Variants in SLC25A21 observed in about 807,000 individuals in gnomAD.
The protein encoded by SLC25A21 is solute carrier family 25 member 21.
A neutral mutation model predicts 43.8 loss-of-function variants in SLC25A21; 47 were observed. The observed-to-expected ratio is 1.07, with a 90% CI of 0.85 to 1.37. The LOEUF (loss-of-function observed/expected upper bound fraction) is 1.37, where lower values mean the gene tolerates loss of function less well. Among genes scored for constraint, SLC25A21 ranks in the 40% most tolerant of loss-of-function variants. The probability of loss-of-function intolerance (pLI) is 0.00; values close to 1 mark genes in which losing one functional copy is unlikely to be tolerated. For missense variants in SLC25A21, 352 were observed against 350.2 expected, an observed-to-expected ratio of 1.00 and a Z score of -0.04; for synonymous variants, 131 against 121.3, an observed-to-expected ratio of 1.08 and a Z score of -0.52.
chr14:37,166,011 T>C (rs1425298803), intron 1 of SLC25A21, among the ~76,000 whole-genome samples: 1 of 152,272 alleles, frequency 6.6e-6, no homozygotes, highest in African/African-American at 2.4e-5. Flanking sequence ...GATCTTGGGA[T>C]CCCTAACATG....
At chr14:36,908,840 C>T (rs964432098) in intron 1 of SLC25A21, among the ~76,000 whole-genome samples, 3 of 152,028 alleles carry the variant, frequency 2.0e-5, no homozygotes, top group African/African-American at 7.3e-5. Context: ...ATTAAATTTA[C>T]CCCCAAGGAA....
chr14:37,112,371 T>G (rs910602329), intron 1 of SLC25A21, among the ~76,000 whole-genome samples: 3 of 151,546 alleles, frequency 2.0e-5, no homozygotes, highest in Non-Finnish European at 4.4e-5. Flanking sequence ...CACAAAAGAG[T>G]AAGAATAAAG....
chr14:36,714,701 C>G (rs754227428), intron 6 of SLC25A21, among the ~76,000 whole-genome samples: 12 of 152,220 alleles, frequency 7.9e-5, no homozygotes, highest in Non-Finnish European at 1.8e-4. Context: ...CATTATCATA[C>G]GTGCTCAGTA....
intron 4 of SLC25A21, among the ~76,000 whole-genome samples, chr14:36,732,709 G>A (rs1180946414): frequency 6.6e-6 from 1 of 152,028 alleles, no homozygotes; most frequent in African/African-American, 2.4e-5. Flanking sequence ...CAATGAAGCA[G>A]TTTATGATGT....
intron 1 of SLC25A21, among the ~76,000 whole-genome samples, chr14:37,110,075 G>A (rs1216299160): frequency 6.6e-6 from 1 of 152,088 alleles, no homozygotes; most frequent in African/African-American, 2.4e-5. Flanking sequence ...GTTGACCTGT[G>A]CTTTCCATAA....
chr14:36,837,679 C>T (rs1401006882), intron 2 of SLC25A21, among the ~76,000 whole-genome samples: 2 of 152,028 alleles, frequency 1.3e-5, no homozygotes, highest in African/African-American at 2.4e-5. Context: ...TTGGAGAGCT[C>T]AAGGAAGCAA....
chr14:37,166,474 G>A (rs2138956596), intron 1 of SLC25A21, among the ~76,000 whole-genome samples: 1 of 152,282 alleles, frequency 6.6e-6, no homozygotes, highest in African/African-American at 2.4e-5. Context: ...TGCAACTATG[G>A]CATGTTCATT....
chr14:36,680,854 T>G, intron 9 of SLC25A21, 135 bp from the exon 10 acceptor site: 1 of 562,654 alleles, frequency 1.8e-6, no homozygotes, highest in Non-Finnish European at 2.9e-6. Flanking sequence ...TTCTGGAGCT[T>G]CAATACCAAG....
At chr14:36,839,934 T>C (rs1408163247) in intron 2 of SLC25A21, among the ~76,000 whole-genome samples, 1 of 152,342 alleles carries the variant, frequency 6.6e-6, no homozygotes, top group South Asian at 2.1e-4. Flanking sequence ...TATAATCTCA[T>C]GGGACCACCA....
intron 1 of SLC25A21, among the ~76,000 whole-genome samples, chr14:36,912,253 G>C (rs543462435): frequency 6.6e-6 from 1 of 152,318 alleles, no homozygotes; most frequent in East Asian, 1.9e-4. Flanking sequence ...CAAATACTAT[G>C]TTGCAGTAAC....
At chr14:36,949,356 T>C (rs113488921) in intron 1 of SLC25A21, among the ~76,000 whole-genome samples, 2,638 of 152,352 alleles carry the variant, frequency 0.017, 69 homozygotes, top group African/African-American at 0.059. Context: ...GAAAATTGTT[T>C]GTATGTATCC....
At chr14:37,027,627 G>T (rs571748310) in intron 1 of SLC25A21, among the ~76,000 whole-genome samples, 1 of 152,152 alleles carries the variant, frequency 6.6e-6, no homozygotes, top group South Asian at 2.1e-4. Context: ...TTTTATAGCA[G>T]GCAGCAAACA....
chr14:37,172,041 G>C lies in SLC25A21; in HGVS notation c.70+240C>G, dbSNP rs569764103. 2.7e-4 allele frequency: 145 copies of C among 545,598 alleles called. 1 individual carries two copies. The highest frequency in any genetic ancestry group is 2.1e-3 in the South Asian group (79 of 37,098). The allele number at this position is 545,598 out of a possible 1,614,324, so 33.8% of individuals were successfully genotyped here. A position where few individuals can be genotyped will look rare whatever the true frequency, so the allele number is the denominator to read the frequency against. ...ACAGGCTAGGAACGGACAATGCCGGGAACCCGAGAGCGGCCGGCGCGGACG... is the reference window on the plus strand; with the variant it reads ...ACAGGCTAGGAACGGACAATGCCGGCAACCCGAGAGCGGCCGGCGCGGACG... On this transcript the variant is annotated intron_variant, in intron 1 of 9. Transcript: ENST00000331299.
chr14:36,812,273 A>T (rs1480636866), intron 3 of SLC25A21, among the ~76,000 whole-genome samples: 1 of 152,104 alleles, frequency 6.6e-6, no homozygotes, highest in Non-Finnish European at 1.5e-5. Flanking sequence ...AATGATTTAT[A>T]ATGTATTTGA....
At chr14:36,793,920 G>GAAAA (rs57263212) in intron 3 of SLC25A21, among the ~76,000 whole-genome samples, 1 of 111,554 alleles carries the variant, frequency 9.0e-6, no homozygotes, top group Non-Finnish European at 1.9e-5. Flanking sequence ...TGCAGATCAG[G>GAAAA]AAAAAAAAAA....
At chr14:36,898,676 C>T (rs1159374016) in intron 1 of SLC25A21, among the ~76,000 whole-genome samples, 1 of 152,162 alleles carries the variant, frequency 6.6e-6, no homozygotes, top group Non-Finnish European at 1.5e-5. Flanking sequence ...ATCTTGGCTC[C>T]ATCCCCCAAT....
chr14:36,731,506 C>T (rs907351703), intron 4 of SLC25A21, among the ~76,000 whole-genome samples: 3 of 152,114 alleles, frequency 2.0e-5, no homozygotes, highest in African/African-American at 7.2e-5. Flanking sequence ...ACAAGTAAGA[C>T]TTTTGAAAAA....
chr14:36,982,897 T>A (rs1960062482), intron 1 of SLC25A21, among the ~76,000 whole-genome samples: 1 of 152,152 alleles, frequency 6.6e-6, no homozygotes, highest in South Asian at 2.1e-4. Flanking sequence ...TCTTCAAGTG[T>A]GTTTCAAGAG....
chr14:36,693,755 T>A (rs996652724), intron 7 of SLC25A21, among the ~76,000 whole-genome samples: 2 of 152,038 alleles, frequency 1.3e-5, no homozygotes, highest in African/African-American at 4.8e-5. Context: ...CACCTCAGCT[T>A]CCCGAGTAGC....
Sources: gnomAD v4.1 joint callset for allele counts (sites outside exome capture counted in the v4.1 genomes callset) on GRCh38, gnomAD v4.1.1 for gene constraint, MANE v1.5 for transcripts, NCBI Gene and HGNC (gene_info 2026-07-23, HGNC 2026-07-21) for gene names.